The following MTDH variants were observed in gnomAD, a reference collection of about 807,000 sequenced individuals.
MTDH encodes metadherin.
A neutral mutation model predicts 72.7 loss-of-function variants in MTDH; 34 were observed. The observed-to-expected ratio is 0.47, with a 90% CI of 0.36 to 0.62. The LOEUF (loss-of-function observed/expected upper bound fraction) is 0.62. Ranked by LOEUF, MTDH falls within the 20% of genes least tolerant of loss-of-function variation. The pLI, the probability that MTDH is intolerant of heterozygous loss-of-function variation, is 0.00. For synonymous variants in MTDH, 266 were observed against 268.9 expected, an observed-to-expected ratio of 0.99 and a Z score of 0.10; for missense variants, 677 against 699.4, an observed-to-expected ratio of 0.97 and a Z score of 0.36.
intron 10 of MTDH, among the ~76,000 whole-genome samples, chr8:97,720,326 C>A (rs1473519942): frequency 6.6e-6 from 1 of 151,270 alleles, no homozygotes; most frequent in Non-Finnish European, 1.5e-5. Context: ...CCTGTAATCC[C>A]AACACTTTGG....
At chr8:97,712,268 C>T (rs1411143697) in intron 8 of MTDH, among the ~76,000 whole-genome samples, 1 of 152,174 alleles carries the variant, frequency 6.6e-6, no homozygotes, top group Non-Finnish European at 1.5e-5. Flanking sequence ...GAACTCCTGA[C>T]CTTAGGGGAT....
intron 2 of MTDH, among the ~76,000 whole-genome samples, chr8:97,672,307 C>T (rs1340232878): frequency 3.3e-5 from 5 of 152,122 alleles, no homozygotes; most frequent in African/African-American, 1.2e-4. Context: ...TTTCCCCCTT[C>T]CTGAACCTAT....
At chr8:97,648,560 C>G (rs1811650208) in intron 1 of MTDH, among the ~76,000 whole-genome samples, 1 of 150,792 alleles carries the variant, frequency 6.6e-6, no homozygotes, top group South Asian at 2.1e-4. Context: ...GGTTATAGCT[C>G]ATAGCTCACT....
intron 2 of MTDH, among the ~76,000 whole-genome samples, chr8:97,672,024 C>G (rs1812644612): frequency 6.6e-6 from 1 of 151,738 alleles, no homozygotes; most frequent in Non-Finnish European, 1.5e-5. Flanking sequence ...CAGCTCTTAG[C>G]AAAACAGAAT....
chr8:97,712,707 A>G (rs1047527722), intron 8 of MTDH, among the ~76,000 whole-genome samples: 1 of 152,100 alleles, frequency 6.6e-6, no homozygotes, highest in Admixed American at 6.6e-5. Context: ...ACTGTTTTTT[A>G]TTTTAGCAGT....
At chr8:97,693,423 T>C (rs1314769615) in intron 6 of MTDH, among the ~76,000 whole-genome samples, 1 of 152,136 alleles carries the variant, frequency 6.6e-6, no homozygotes, top group East Asian at 1.9e-4. Flanking sequence ...AACCTCCACC[T>C]CTCAGGTTCA....
intron 9 of MTDH, among the ~76,000 whole-genome samples, chr8:97,716,637 C>T (rs1814883304): frequency 6.6e-6 from 1 of 152,038 alleles, no homozygotes. Flanking sequence ...TGCCACTACA[C>T]TCCAGCCTGG....
Position 97,713,681 on chromosome 8 carries a change from A to G in MTDH, c.1292A>G (p.Glu431Gly), listed in dbSNP as rs745733303. 1.0e-5 allele frequency: 16 copies of G among 1,598,806 alleles called. No homozygotes were observed. Among genetic ancestry groups the G allele is most frequent in the Non-Finnish European group, 1.3e-5 (15 of 1,174,894 alleles). The stretch of plus-strand genomic sequence containing the variant: ...CCTAAGGTCTCAGATGATGATAAAG[A>G]AAAGGGAGAGGGAGCTCTTCCAACT... ...DDQKVSDDDK[E>G]KGEGALPTGK... Residue 431 changes from glutamate (E) to glycine (G), a missense_variant, in exon 9 of 12, where the codon GAA becomes GGA. Physicochemically the swap from Glu to Gly is moderately conservative, Grantham distance 98 (BLOSUM62 -2). Coordinates refer to ENST00000336273, the MANE Select transcript of MTDH (RefSeq NM_178812.4).
At chr8:97,705,236 G>T (rs543581221) in intron 7 of MTDH, among the ~76,000 whole-genome samples, 1 of 148,426 alleles carries the variant, frequency 6.7e-6, no homozygotes, top group Admixed American at 6.7e-5. Context: ...GGCGGAGGTT[G>T]CAGTGAGCCG....
At position 97,706,763 on chromosome 8, in the gene MTDH, G is replaced by A; in HGVS notation, c.1272+13G>A. On this transcript the variant is annotated intron_variant, in intron 8 of 11. Coordinates refer to ENST00000336273, the MANE Select transcript of MTDH (RefSeq NM_178812.4). Reference sequence around the variant, plus strand: ...TGATGATCAAAAGGTGAGTATAAGAGATTCCTGGGTGTTTATTTGTTAATG... The same window carrying A: ...TGATGATCAAAAGGTGAGTATAAGAAATTCCTGGGTGTTTATTTGTTAATG... The A allele has an allele frequency of 6.2e-7, 1 of 1,609,234 alleles. No individual in the cohort carries two copies. Among genetic ancestry groups the A allele is most frequent in the Non-Finnish European group, 8.5e-7 (1 of 1,178,056 alleles).
Position 97,727,307 on chromosome 8 carries a change from C to G in MTDH, c.*2637C>G, listed in dbSNP as rs986993772. The stretch of plus-strand genomic sequence containing the variant: ...CTGAGGTCAGGAGTTTGAGACCAGC[C>G]TGGCCAATATGGTGAAACCCCATCT... On this transcript the variant is annotated 3_prime_UTR_variant, in exon 12 of 12. Transcript: ENST00000336273. The G allele has an allele frequency of 1.3e-5, 2 of 151,694 alleles. No homozygotes were observed. The highest frequency in any genetic ancestry group is 1.3e-4 in the Admixed American group (2 of 15,186). The allele number at this position is 151,694 out of a possible 1,614,324, so 9.4% of individuals were successfully genotyped here.
intron 10 of MTDH, among the ~76,000 whole-genome samples, 199 bp from the exon 11 acceptor site, chr8:97,722,679 AT>A (rs1160836985): frequency 6.6e-6 from 1 of 152,246 alleles, no homozygotes; most frequent in Non-Finnish European, 1.5e-5. Flanking sequence ...CTTCATTTTT[AT>A]CTCAACATAT....
intron 8 of MTDH, among the ~76,000 whole-genome samples, chr8:97,707,449 C>CTTTTTT (rs35528230): frequency 7.0e-4 from 56 of 80,202 alleles, no homozygotes; most frequent in East Asian, 1.7e-3. Context: ...CATGCCTGGC[C>CTTTTTT]TTTTTTTTTT....
chr8:97,671,091 G>A (rs938934298), intron 2 of MTDH, among the ~76,000 whole-genome samples: 6 of 150,492 alleles, frequency 4.0e-5, no homozygotes, highest in Non-Finnish European at 8.9e-5. Context: ...TCAGCCTCCC[G>A]AGTAGCTGGG....
chr8:97,711,328 A>C (rs1258251342), intron 8 of MTDH, among the ~76,000 whole-genome samples: 4 of 146,792 alleles, frequency 2.7e-5, no homozygotes, highest in Non-Finnish European at 4.5e-5. Flanking sequence ...GCAAGACCCT[A>C]TCTCTAATTA....
At chr8:97,685,495 C>T (rs1304883432) in intron 2 of MTDH, among the ~76,000 whole-genome samples, 1 of 152,024 alleles carries the variant, frequency 6.6e-6, no homozygotes, top group Non-Finnish European at 1.5e-5. Flanking sequence ...TCATTTACTG[C>T]CTTTAAGATA....
chr8:97,717,297 A>G (rs1814913943), intron 9 of MTDH, among the ~76,000 whole-genome samples: 1 of 152,216 alleles, frequency 6.6e-6, no homozygotes, highest in South Asian at 2.1e-4. Flanking sequence ...TTTGCCAAAG[A>G]AAAATACAGT....
At chr8:97,663,648 C>T (rs576486092) in intron 2 of MTDH, among the ~76,000 whole-genome samples, 1 of 148,102 alleles carries the variant, frequency 6.8e-6, no homozygotes, top group South Asian at 2.2e-4. Context: ...ACTAGGGAGG[C>T]TGAGGCAGGA....
chr8:97,680,062 C>T (rs544500797), intron 2 of MTDH, among the ~76,000 whole-genome samples: 6 of 152,048 alleles, frequency 3.9e-5, no homozygotes, highest in South Asian at 2.1e-4. Context: ...AAAGCCTTTT[C>T]GTCATCTAGT....
Sources: gnomAD v4.1 joint callset for allele counts (sites outside exome capture counted in the v4.1 genomes callset) on GRCh38, gnomAD v4.1.1 for gene constraint, MANE v1.5 for transcripts, NCBI Gene and HGNC (gene_info 2026-07-23, HGNC 2026-07-21) for gene names.